Variants in PBRM1 observed in about 807,000 individuals in gnomAD.
PBRM1 encodes polybromo 1, also known as protein polybromo-1.
Under a neutral mutation model 194.5 loss-of-function variants are expected in PBRM1, and 27 were observed. The observed-to-expected ratio is 0.14, with a 90% CI of 0.10 to 0.19. PBRM1 has a LOEUF of 0.19. PBRM1 is among the 10% of genes least tolerant of loss of function. The pLI is 1.00. For missense variants in PBRM1, 1,466 were observed against 2,077.2 expected, an observed-to-expected ratio of 0.71 and a Z score of 5.72; for synonymous variants, 655 against 693.2, an observed-to-expected ratio of 0.94 and a Z score of 0.87.
chr3:52,550,880 G>T, intron 27 of PBRM1, 63 bp from the exon 30 acceptor site: 2 of 1,052,006 alleles, frequency 1.9e-6, no homozygotes, highest in Non-Finnish European at 2.9e-6. Context: ...AAAAACTACT[G>T]TCTGATAAGA....
At chr3:52,643,950 C>T (rs1320519474) in intron 8 of PBRM1, among the ~76,000 whole-genome samples, 1 of 151,016 alleles carries the variant, frequency 6.6e-6, no homozygotes, top group Non-Finnish European at 1.5e-5. Flanking sequence ...CCAGTTTGGG[C>T]AACAGAGTGA....
intron 4 of PBRM1, 56 bp from the exon 6 acceptor site, chr3:52,658,371 T>C: frequency 1.1e-6 from 1 of 901,188 alleles, no homozygotes; most frequent in Non-Finnish European, 1.8e-6. Context: ...TGCTGAATAT[T>C]ACATAGCTTC....
chr3:52,649,158 G>A (rs1253113904), intron 6 of PBRM1, among the ~76,000 whole-genome samples: 1 of 152,176 alleles, frequency 6.6e-6, no homozygotes, highest in East Asian at 1.9e-4. Flanking sequence ...GCAGAATCCA[G>A]AGAGCCAGGC....
exon 23 of PBRM1, chr3:52,564,052 G>A (rs760628811): frequency 6.2e-7 from 1 of 1,601,090 alleles, no homozygotes; most frequent in Non-Finnish European, 8.5e-7. Flanking sequence ...AGCTTTACCT[G>A]AAGTAGTAAA....
chr3:52,558,768 T>C (rs755868177), intron 25 of PBRM1, among the ~76,000 whole-genome samples: 2 of 152,230 alleles, frequency 1.3e-5, no homozygotes, highest in Non-Finnish European at 2.9e-5. Context: ...CTAGTATTAA[T>C]AGCATTACAG....
Position 52,658,108 on chromosome 3 carries a change from G to A in PBRM1, c.645+91C>T, listed in dbSNP as rs2336149. 0.43 allele frequency: 311,184 copies of A among 720,474 alleles called. 68,809 individuals are homozygous for A. Among genetic ancestry groups the A allele is most frequent in the Admixed American group, 0.55 (27,799 of 50,988 alleles). 44.6% of individuals were successfully genotyped at this position (720,474 alleles called of 1,614,324 possible). On this transcript the variant is annotated intron_variant, in intron 5 of 29. Coordinates refer to ENST00000296302, the Ensembl canonical transcript of PBRM1. ...ACACCCGGCCCAACATCTTCCTTTT[G>A]AACTTACTTTATTTATCAGTAATTA...
intron 13 of PBRM1, 70 bp from the exon 16 acceptor site, chr3:52,617,608 C>CA: frequency 4.8e-6 from 5 of 1,040,804 alleles, no homozygotes; most frequent in Non-Finnish European, 7.0e-6. Flanking sequence ...CGGATGACCA[C>CA]AAAATAAAAC....
chr3:52,636,345 T>C (rs935945268), intron 10 of PBRM1, among the ~76,000 whole-genome samples: 12 of 152,124 alleles, frequency 7.9e-5, no homozygotes, highest in Non-Finnish European at 1.8e-4. Flanking sequence ...ATAAAAAATA[T>C]GTTGCTCATT....
At chr3:52,643,166 C>T in intron 9 of PBRM1, 82 bp downstream of exon 10, 2 of 970,596 alleles carry the variant, frequency 2.1e-6, no homozygotes, top group Non-Finnish European at 3.3e-6. Flanking sequence ...AATATTCCTT[C>T]AAGATAGCCA....
At chr3:52,550,608 C>G (rs945010544) in exon 29 of PBRM1, 1 of 1,529,044 alleles carries the variant, frequency 6.5e-7, no homozygotes, top group African/African-American at 1.4e-5. Flanking sequence ...GAGGTGGTGC[C>G]TGCTGCCCTG....
intron 7 of PBRM1, among the ~76,000 whole-genome samples, chr3:52,647,457 A>T (rs11706231): frequency 0.012 from 557 of 47,636 alleles, 2 homozygotes; most frequent in Middle Eastern, 0.016. Flanking sequence ...AAAAAAAAAA[A>T]ATATATATAT....
At chr3:52,637,158 T>C (rs1180193034) in intron 10 of PBRM1, among the ~76,000 whole-genome samples, 1 of 152,206 alleles carries the variant, frequency 6.6e-6, no homozygotes, top group African/African-American at 2.4e-5. Flanking sequence ...ATATATTTTG[T>C]TGCTACTGTA....
At chr3:52,568,010 G>A (rs527278428) in intron 22 of PBRM1, among the ~76,000 whole-genome samples, 26 of 151,566 alleles carry the variant, frequency 1.7e-4, no homozygotes, top group African/African-American at 4.8e-4. Flanking sequence ...ATGGAGTCTC[G>A]CTCTGTCACT....
intron 20 of PBRM1, 81 bp downstream of exon 22, chr3:52,586,344 T>C (rs1295531259): frequency 1.6e-6 from 2 of 1,220,686 alleles, no homozygotes; most frequent in African/African-American, 3.0e-5. Context: ...TTTTTCTAAG[T>C]TTGAATACTT....
At chr3:52,678,694 T>A in intron 1 of PBRM1, 97 bp from the exon 3 acceptor site, 1 of 698,664 alleles carries the variant, frequency 1.4e-6, no homozygotes, top group Non-Finnish European at 2.4e-6. Context: ...AAAAGGCAAG[T>A]AGAGAAGAAA....
chr3:52,575,472 A>C (rs1367050975), intron 22 of PBRM1, among the ~76,000 whole-genome samples: 2 of 147,368 alleles, frequency 1.4e-5, no homozygotes, highest in Non-Finnish European at 3.0e-5. Flanking sequence ...AATTCCAGAC[A>C]CTGGATTTAC....
intron 16 of PBRM1, among the ~76,000 whole-genome samples, chr3:52,604,922 C>G (rs1375096099): frequency 6.7e-6 from 1 of 149,868 alleles, no homozygotes; most frequent in Non-Finnish European, 1.5e-5. Context: ...CCGCTGCACT[C>G]TAGTCTGGGC....
intron 4 of PBRM1, among the ~76,000 whole-genome samples, chr3:52,661,047 A>G (rs1194152285): frequency 6.6e-6 from 1 of 150,708 alleles, no homozygotes; most frequent in African/African-American, 2.4e-5. Flanking sequence ...TTTTTTTGAG[A>G]TGGAGTCTCA....
intron 24 of PBRM1, among the ~76,000 whole-genome samples, chr3:52,562,537 CTTTTTTTT>C (rs61349809): frequency 9.2e-6 from 1 of 108,216 alleles, no homozygotes. Flanking sequence ...TGAGAAAATT[CTTTTTTTT>C]TTTTTTTTTT....
Sources: allele counts gnomAD v4.1 joint callset (sites outside exome capture counted in the v4.1 genomes callset), GRCh38; gene constraint gnomAD v4.1.1; transcripts MANE v1.5; gene names NCBI Gene and HGNC (gene_info 2026-07-23, HGNC 2026-07-21).